MYO3B: variants seen among roughly 807,000 people sequenced by gnomAD.
MYO3B encodes the protein myosin IIIB.
Under a neutral mutation model 174.6 loss-of-function variants are expected in MYO3B, and 156 were observed. The observed-to-expected ratio is 0.89, with a 90% CI of 0.78 to 1.02. The LOEUF is 1.02. MYO3B is among the 50% of genes least tolerant of loss of function. MYO3B has a pLI of 0.00. For missense variants in MYO3B, 1,632 were observed against 1,639.4 expected, an observed-to-expected ratio of 1.00 and a Z score of 0.08; for synonymous variants, 563 against 569.1, an observed-to-expected ratio of 0.99 and a Z score of 0.15.
intron 2 of MYO3B, among the ~76,000 whole-genome samples, 185 bp from the exon 3 acceptor site, chr2:170,199,964 AT>A (rs1559293832): frequency 6.6e-6 from 1 of 152,212 alleles, no homozygotes; most frequent in African/African-American, 2.4e-5. Flanking sequence ...TTAGAATGTA[AT>A]AATGTAATAC....
At chr2:170,258,106 A>G (rs1045462761) in intron 7 of MYO3B, among the ~76,000 whole-genome samples, 3 of 152,070 alleles carry the variant, frequency 2.0e-5, no homozygotes, top group African/African-American at 4.8e-5. Flanking sequence ...CTAAAAAGCT[A>G]TGGACTAGAT....
chr2:170,386,265 T>G lies in MYO3B; in HGVS notation c.1367T>G (p.Leu456Trp). 1 of 1,613,186 alleles carries G rather than the reference T, an allele frequency of 6.2e-7. No homozygotes were observed. The change falls in exon 13 of 35, where the codon TTG becomes TGG. Residue 456 changes from leucine to tryptophan, a missense_variant. Physicochemically the swap from Leu to Trp is moderately conservative, Grantham distance 61. Transcript: ENST00000408978. ...AHLIVQHLTF[L>W]GKANNQTLRE... ...CTGATTGTTCAGCATTTGACTTTCTTGGGAAAGGTATTGACTAATCTGCTT... is the reference window on the plus strand; with the variant it reads ...CTGATTGTTCAGCATTTGACTTTCTGGGGAAAGGTATTGACTAATCTGCTT...
At chr2:170,424,507 C>T (rs2094645396) in intron 22 of MYO3B, among the ~76,000 whole-genome samples, 1 of 151,988 alleles carries the variant, frequency 6.6e-6, no homozygotes, top group African/African-American at 2.4e-5. Context: ...GTCCTGGCTA[C>T]TCGGGAGGCT....
intron 1 of MYO3B, among the ~76,000 whole-genome samples, chr2:170,183,250 C>G (rs181265830): frequency 6.6e-6 from 1 of 150,584 alleles, no homozygotes; most frequent in African/African-American, 2.4e-5. Flanking sequence ...GAGCAAGACT[C>G]TGTCTCAAAA....
intron 29 of MYO3B, among the ~76,000 whole-genome samples, chr2:170,516,317 A>T (rs1351960908): frequency 6.6e-6 from 1 of 151,196 alleles, no homozygotes; most frequent in Non-Finnish European, 1.5e-5. Context: ...TTTTTTTCTG[A>T]CAGGCAGATG....
At chr2:170,280,185 G>A (rs7575304) in intron 7 of MYO3B, among the ~76,000 whole-genome samples, 57,024 of 151,866 alleles carry the variant, frequency 0.38, 11,569 homozygotes, top group African/African-American at 0.53. Context: ...TCACATTGTG[G>A]TTTTGATTTG....
chr2:170,620,723 A>T (rs970367298), intron 32 of MYO3B, among the ~76,000 whole-genome samples: 1 of 152,174 alleles, frequency 6.6e-6, no homozygotes, highest in African/African-American at 2.4e-5. Flanking sequence ...CTGTTGAAGA[A>T]CCCTGAGCTT....
At chr2:170,561,617 G>A (rs542707658) in intron 32 of MYO3B, among the ~76,000 whole-genome samples, 18 of 152,282 alleles carry the variant, frequency 1.2e-4, no homozygotes, top group Admixed American at 1.2e-3. Context: ...AAGAATTCTT[G>A]TACTAATGAG....
intron 32 of MYO3B, among the ~76,000 whole-genome samples, chr2:170,620,589 G>A (rs774866541): frequency 6.6e-6 from 1 of 152,202 alleles, no homozygotes; most frequent in African/African-American, 2.4e-5. Context: ...CAAAAGACTT[G>A]ATTATTCACA....
chr2:170,520,752 C>T (rs1180576070), intron 30 of MYO3B, among the ~76,000 whole-genome samples: 1 of 152,096 alleles, frequency 6.6e-6, no homozygotes, highest in Non-Finnish European at 1.5e-5. Context: ...AGGCTCAAGA[C>T]ACTTTAAGTC....
intron 21 of MYO3B, 37 bp from the exon 22 acceptor site, chr2:170,407,678 G>A: frequency 6.2e-7 from 1 of 1,607,486 alleles, no homozygotes; most frequent in Non-Finnish European, 8.5e-7. Flanking sequence ...ACGGACAGTT[G>A]ACTTGGCTAA....
At chr2:170,652,339 CA>C (rs1699065521) in intron 34 of MYO3B, among the ~76,000 whole-genome samples, 185 bp downstream of exon 34, 1 of 152,124 alleles carries the variant, frequency 6.6e-6, no homozygotes, top group Non-Finnish European at 1.5e-5. Context: ...CTATTCTGTC[CA>C]AAAAGGTTGA....
intron 7 of MYO3B, among the ~76,000 whole-genome samples, chr2:170,312,671 G>A (rs2093747919): frequency 6.6e-6 from 1 of 152,232 alleles, no homozygotes; most frequent in African/African-American, 2.4e-5. Context: ...AATTAGCTAA[G>A]GATAAGGGAC....
intron 16 of MYO3B, among the ~76,000 whole-genome samples, chr2:170,396,019 T>A (rs1353756037): frequency 1.3e-5 from 2 of 152,218 alleles, no homozygotes; most frequent in East Asian, 3.8e-4. Flanking sequence ...GATGGAGAAA[T>A]GCTCTTTCTT....
chr2:170,232,667 C>T (rs964939847), intron 6 of MYO3B, among the ~76,000 whole-genome samples: 1 of 152,232 alleles, frequency 6.6e-6, no homozygotes, highest in Non-Finnish European at 1.5e-5. Flanking sequence ...TTTAACCATG[C>T]TATCCTCAGT....
At chr2:170,220,957 G>GA (rs2105380605) in intron 6 of MYO3B, among the ~76,000 whole-genome samples, 1 of 152,270 alleles carries the variant, frequency 6.6e-6, no homozygotes, top group African/African-American at 2.4e-5. Context: ...AAATGGAGAA[G>GA]CATTTTTTCC....
At chr2:170,478,349 G>A (rs907793145) in intron 25 of MYO3B, among the ~76,000 whole-genome samples, 2 of 151,996 alleles carry the variant, frequency 1.3e-5, no homozygotes, top group African/African-American at 2.4e-5. Context: ...TAAAGAATAC[G>A]GGATGAATGA....
intron 7 of MYO3B, among the ~76,000 whole-genome samples, chr2:170,245,823 A>G (rs997522422): frequency 3.9e-5 from 6 of 152,206 alleles, no homozygotes; most frequent in Non-Finnish European, 5.9e-5. Context: ...TATAGATAAG[A>G]ATATCCTGGG....
At chr2:170,233,550 A>C (rs1189564641) in intron 6 of MYO3B, among the ~76,000 whole-genome samples, 1 of 152,200 alleles carries the variant, frequency 6.6e-6, no homozygotes, top group Non-Finnish European at 1.5e-5. Flanking sequence ...GGGCAATGAA[A>C]TGGCCTTTGG....
Sources: allele counts gnomAD v4.1 joint callset (sites outside exome capture counted in the v4.1 genomes callset), GRCh38; gene constraint gnomAD v4.1.1; transcripts MANE v1.5; gene names NCBI Gene and HGNC (gene_info 2026-07-23, HGNC 2026-07-21).